Variants in HPSE observed in about 807,000 individuals in gnomAD.
The protein encoded by HPSE is heparanase, also known as endo-glucoronidase.
In HPSE, 48 loss-of-function variants were observed where a neutral mutation model predicts 65.1. That is an observed-to-expected ratio of 0.74 (90% confidence interval 0.58 to 0.94). The LOEUF (loss-of-function observed/expected upper bound fraction) is 0.94. HPSE is among the 40% of genes least tolerant of loss of function. The probability of loss-of-function intolerance (pLI) is 0.00; values close to 1 mark genes in which losing one functional copy is unlikely to be tolerated. For missense variants in HPSE, 644 were observed against 637.5 expected (o/e 1.01, Z -0.11); for synonymous variants, 243 against 260.0 (o/e 0.93, Z 0.63).
chr4:83,309,837 C>A (rs1295294451), intron 6 of HPSE, among the ~76,000 whole-genome samples, 194 bp downstream of exon 6: 2 of 152,148 alleles, frequency 1.3e-5, no homozygotes, highest in East Asian at 3.8e-4. Context: ...TTATAGAAAC[C>A]ACTACATTAT....
Position 83,313,357 on chromosome 4 carries a change from A to G in HPSE, c.500-70T>C, listed in dbSNP as rs890539057. On this transcript the variant is annotated intron_variant, in intron 3 of 11. Coordinates refer to ENST00000311412, the MANE Select transcript of HPSE (RefSeq NM_001098540.3). Reference sequence around the variant, plus strand: ...ATGAAGGCCTCCAGATTCGCTTTTCATAATGAATAACTATTTCTGTTGTTA... The same window carrying G: ...ATGAAGGCCTCCAGATTCGCTTTTCGTAATGAATAACTATTTCTGTTGTTA... 8 of 927,914 alleles carry G rather than the reference A, an allele frequency of 8.6e-6. No homozygotes were observed. The African/African-American group carries it at 1.3e-4, about 16-fold the overall frequency. 57.5% of individuals were successfully genotyped at this position (927,914 alleles called of 1,614,324 possible). A position where few individuals can be genotyped will look rare whatever the true frequency, so the allele number is the denominator to read the frequency against.
At chr4:83,302,126 G>C in intron 10 of HPSE, 24 bp downstream of exon 10, 1 of 1,489,694 alleles carries the variant, frequency 6.7e-7, no homozygotes. Context: ...TTGATGATTG[G>C]TAAAGGGTGT....
At chr4:83,314,493 G>T (rs759967524) in intron 3 of HPSE, among the ~76,000 whole-genome samples, 1 of 151,972 alleles carries the variant, frequency 6.6e-6, no homozygotes, top group Non-Finnish European at 1.5e-5. Flanking sequence ...CAAAATACAG[G>T]TATTTTTTGT....
At chr4:83,298,928 A>G (rs1056881142) in intron 11 of HPSE, among the ~76,000 whole-genome samples, 4 of 152,182 alleles carry the variant, frequency 2.6e-5, no homozygotes, top group African/African-American at 9.7e-5. Flanking sequence ...GCACTCAAAA[A>G]CTTATCTAGG....
At chr4:83,316,538 T>C (rs1263572827) in intron 3 of HPSE, among the ~76,000 whole-genome samples, 1 of 152,174 alleles carries the variant, frequency 6.6e-6, no homozygotes, top group East Asian at 1.9e-4. Flanking sequence ...GATCTTTCCC[T>C]TGGACTGTAC....
In HPSE at chr4:83,295,375, A is replaced by G; in HGVS notation, c.1601T>C (p.Ile534Thr). 1 of 1,609,722 alleles carries G rather than the reference A, an allele frequency of 6.2e-7. No homozygotes were observed. The highest frequency in any genetic ancestry group is 8.5e-7 in the Non-Finnish European group (1 of 1,177,758). The stretch of plus-strand genomic sequence containing the variant: ...GCAAGCAGCAACTTTGGCATTTCTT[A>G]TCACAAAAAAACTATATGAGAAAGC... ...LPAFSYSFFV[I>T]RNAKVAACI Residue 534 changes from isoleucine (I) to threonine (T), a missense_variant, in exon 12 of 12, where the codon ATA becomes ACA. Coordinates refer to ENST00000311412, the MANE Select transcript of HPSE (RefSeq NM_001098540.3).
chr4:83,322,422 C>T, intron 1 of HPSE, 58 bp from the exon 2 acceptor site: 1 of 1,412,544 alleles, frequency 7.1e-7, no homozygotes, highest in Non-Finnish European at 9.7e-7. Flanking sequence ...TCTAGTCAAA[C>T]ATTCTTACTT....
At chr4:83,313,015 C>G (rs577766350) in intron 4 of HPSE, 99 bp downstream of exon 4, 95 of 834,132 alleles carry the variant, frequency 1.1e-4, no homozygotes, top group Admixed American at 3.2e-4. Flanking sequence ...GTGCGAGACT[C>G]TGTCTCAAAA....
At chr4:83,331,054 A>G (rs529649765) in intron 1 of HPSE, among the ~76,000 whole-genome samples, 189 of 152,276 alleles carry the variant, frequency 1.2e-3, no homozygotes, top group Non-Finnish European at 1.8e-3. Flanking sequence ...AAAATACACA[A>G]TTAGCCAGGC....
At chr4:83,306,506 C>G (rs781688190) in intron 8 of HPSE, among the ~76,000 whole-genome samples, 189 bp from the exon 9 acceptor site, 4 of 152,180 alleles carry the variant, frequency 2.6e-5, no homozygotes, top group Non-Finnish European at 5.9e-5. Context: ...ACCTCAAACT[C>G]CTGGGCTCCA....
At chr4:83,329,827 A>G (rs911057192) in intron 1 of HPSE, among the ~76,000 whole-genome samples, 1 of 152,094 alleles carries the variant, frequency 6.6e-6, no homozygotes, top group African/African-American at 2.4e-5. Context: ...TGGAGAGGAA[A>G]CTGTGAGATC....
intron 9 of HPSE, among the ~76,000 whole-genome samples, chr4:83,304,159 A>G (rs1249500115): frequency 6.6e-6 from 1 of 152,188 alleles, no homozygotes; most frequent in Non-Finnish European, 1.5e-5. Context: ...ATGACAAAGG[A>G]AAAGGATTTT....
rs1167694088 is a variant in HPSE, at chr4:83,309,446, C to T, written c.940G>A (p.Asp314Asn). 6.3e-7 allele frequency: 1 copy of T among 1,594,708 alleles called. No homozygotes were observed. Among genetic ancestry groups the T allele is most frequent in the South Asian group, 1.1e-5 (1 of 88,438 alleles). Residue 314 changes from aspartate to asparagine, a missense_variant, in exon 7 of 12, where the codon GAT becomes AAT. Physicochemically the swap from Asp to Asn is conservative, Grantham distance 23. Coordinates refer to ENST00000311412, the MANE Select transcript of HPSE (RefSeq NM_001098540.3). ...GATGAAATAAAAATGTCCAATACAT[C>T]AGGGTTTAGAAAATCTTCCTTGGTA... ...TATKEDFLNP[D>N]VLDIFISSVQ...
rs11099592 is a variant in HPSE, at chr4:83,309,466, T to C, written c.920A>G (p.Lys307Arg). 0.78 allele frequency: 1,228,002 copies of C among 1,573,576 alleles called. 480,564 individuals carry two copies. Among genetic ancestry groups the C allele is most frequent in the African/African-American group, 0.85 (62,828 of 73,754 alleles). Residue 307 changes from lysine to arginine, a missense_variant, in exon 7 of 12, where the codon AAG (lysine) becomes AGG (arginine). Lys to Arg is a conservative substitution (Grantham distance 26, BLOSUM62 2). Coordinates refer to ENST00000311412, the MANE Select transcript of HPSE (RefSeq NM_001098540.3). ...HYYLNGRTAT[K>R]EDFLNPDVLD... is the part of the protein sequence containing the mutation. ...TACATCAGGGTTTAGAAAATCTTCC[T>C]TGGTAGCAGTCCGTCCATTCAAATA...
chr4:83,311,937 T>C (rs1184619723), intron 4 of HPSE, among the ~76,000 whole-genome samples: 2 of 152,126 alleles, frequency 1.3e-5, no homozygotes, highest in African/African-American at 2.4e-5. Flanking sequence ...TGAATACTTA[T>C]AGTTAAAATT....
intron 1 of HPSE, among the ~76,000 whole-genome samples, chr4:83,322,827 GTGTGTGTGTGTT>G (rs1290722663): frequency 1.3e-4 from 19 of 145,498 alleles, no homozygotes; most frequent in African/African-American, 5.0e-4. Flanking sequence ...GTGTGTGTGT[GTGTGTGTGTGTT>G]TGTGTGTGGA....
chr4:83,315,687 A>T (rs1230095762), intron 3 of HPSE, among the ~76,000 whole-genome samples: 1 of 152,210 alleles, frequency 6.6e-6, no homozygotes, highest in East Asian at 1.9e-4. Flanking sequence ...CAGGAACCTC[A>T]GATATGGATC....
intron 11 of HPSE, 70 bp downstream of exon 11, chr4:83,300,890 C>T (rs960839442): frequency 4.0e-6 from 4 of 1,004,640 alleles, no homozygotes; most frequent in Non-Finnish European, 5.6e-6. Flanking sequence ...GCTCCCTGTC[C>T]AAACTCTCTA....
Position 83,306,281 on chromosome 4 carries a change from T to A in HPSE, c.1128A>T (p.Gly376=). The A allele has an allele frequency of 6.2e-7, 1 of 1,613,740 alleles. No individual in the cohort carries two copies. The highest frequency in any genetic ancestry group is 8.5e-7 in the Non-Finnish European group (1 of 1,179,682). The change falls in exon 9 of 12, where the codon GGA becomes GGT. Residue 376 remains glycine, a synonymous_variant. Coordinates refer to ENST00000311412, the MANE Select transcript of HPSE (RefSeq NM_001098540.3). The stretch of plus-strand genomic sequence containing the variant: ...ATACTTGCCTCATCACCACTTCTAT[T>A]CCCATTCGGGCTGACAGGCCCAATT... The part of the protein sequence containing the change: ...LDKLGLSARM[G]IEVVMRQVFF...
Sources: gnomAD v4.1 joint callset for allele counts (sites outside exome capture counted in the v4.1 genomes callset) on GRCh38, gnomAD v4.1.1 for gene constraint, MANE v1.5 for transcripts, NCBI Gene and HGNC (gene_info 2026-07-23, HGNC 2026-07-21) for gene names.